The following PRICKLE1 variants were observed in gnomAD, a reference collection of about 807,000 sequenced individuals.
The protein encoded by PRICKLE1 is prickle planar cell polarity protein 1, also known as prickle-like protein 1.
PRICKLE1 carries 14 observed loss-of-function variants against 70.2 expected under a neutral mutation model. The observed-to-expected ratio is 0.20, with a 90% CI of 0.13 to 0.31. The LOEUF (loss-of-function observed/expected upper bound fraction) is 0.31. Among genes scored for constraint, PRICKLE1 ranks in the 10% least tolerant of loss-of-function variants. PRICKLE1 has a pLI of 1.00. For synonymous variants in PRICKLE1, 357 were observed against 379.9 expected, an observed-to-expected ratio of 0.94 and a Z score of 0.70; for missense variants, 821 against 1,026.2, an observed-to-expected ratio of 0.80 and a Z score of 2.73.
chr12:42,506,681 C>T (rs563924671), intron 1 of PRICKLE1, among the ~76,000 whole-genome samples: 1 of 146,056 alleles, frequency 6.8e-6, no homozygotes, highest in Admixed American at 7.0e-5. Context: ...GTTCAAGCAA[C>T]TCTCTACCTC....
chr12:42,562,774 A>T (rs1566127889), intron 1 of PRICKLE1, among the ~76,000 whole-genome samples: 1 of 152,352 alleles, frequency 6.6e-6, no homozygotes, highest in East Asian at 1.9e-4. Flanking sequence ...AAAAGAAAAA[A>T]ATTGTATAAC....
Position 42,459,159 on chromosome 12 carries a change from A to G in PRICKLE1, c.*650T>C, listed in dbSNP as rs1392173415. 10 of 561,400 alleles carry G rather than the reference A, an allele frequency of 1.8e-5. No homozygotes were observed. Among genetic ancestry groups the G allele is most frequent in the Non-Finnish European group, 3.2e-5 (10 of 314,264 alleles). The allele number at this position is 561,400 out of a possible 1,614,324, so 34.8% of individuals were successfully genotyped here. A position where few individuals can be genotyped will look rare whatever the true frequency, so the allele number is the denominator to read the frequency against. ...GGGATATAAAAATATCAGCTTTAAAATCTGAACTGTACAGTATATACATTA... is the reference window on the plus strand; with the variant it reads ...GGGATATAAAAATATCAGCTTTAAAGTCTGAACTGTACAGTATATACATTA... On this transcript the variant is annotated 3_prime_UTR_variant, in exon 8 of 8. Coordinates refer to ENST00000345127, the MANE Select transcript of PRICKLE1 (RefSeq NM_153026.3).
intron 1 of PRICKLE1, among the ~76,000 whole-genome samples, chr12:42,542,368 C>T (rs543883356): frequency 1.2e-4 from 18 of 151,726 alleles, no homozygotes; most frequent in African/African-American, 3.9e-4. Context: ...ATTTATTTTG[C>T]GGCCAGGCAC....
intron 1 of PRICKLE1, among the ~76,000 whole-genome samples, chr12:42,539,387 G>A (rs1226524228): frequency 4.6e-5 from 7 of 151,472 alleles, no homozygotes; most frequent in Non-Finnish European, 8.8e-5. Context: ...AGAATGGCAT[G>A]AACCTGGGAG....
chr12:42,490,672 G>A (rs1939083639), intron 1 of PRICKLE1, among the ~76,000 whole-genome samples: 1 of 152,262 alleles, frequency 6.6e-6, no homozygotes, highest in African/African-American at 2.4e-5. Flanking sequence ...GGGGTGTACA[G>A]TCTGGGTAGG....
rs984482773 is a variant in PRICKLE1 at position 42,477,709 on chromosome 12, C to T, written c.-48-5145G>A. Among the ~76,000 whole-genome samples, 36 of 151,646 alleles carry T rather than the reference C, an allele frequency of 2.4e-4. No homozygotes were observed. In the South Asian group the frequency reaches 6.9e-3, roughly 29 times the overall value. On this transcript the variant is annotated intron_variant, in intron 1 of 7. Transcript: ENST00000345127. ...GTCTGCCAAAACATCATGCTTTAAGCCAAGCATATGAGACCACAGGTAAAT... is the reference window on the plus strand; with the variant it reads ...GTCTGCCAAAACATCATGCTTTAAGTCAAGCATATGAGACCACAGGTAAAT...
At chr12:42,578,779 T>TTTATTTA (rs1156822778) in intron 1 of PRICKLE1, among the ~76,000 whole-genome samples, 2 of 68,828 alleles carry the variant, frequency 2.9e-5, no homozygotes, top group East Asian at 5.6e-4. Context: ...TTATTTATTT[T>TTTATTTA]GAGACTGAGT....
chr12:42,571,580 G>T (rs967678103), intron 1 of PRICKLE1, among the ~76,000 whole-genome samples: 5 of 152,204 alleles, frequency 3.3e-5, no homozygotes, highest in African/African-American at 1.2e-4. Context: ...AAGCAGCAGG[G>T]ATTGTGATGA....
intron 1 of PRICKLE1, chr12:42,482,940 G>C (rs1027686035): frequency 6.6e-6 from 1 of 152,104 alleles, no homozygotes; most frequent in African/African-American, 2.4e-5. Context: ...CGCTCCAGGC[G>C]GCGGCCGCTG....
chr12:42,549,701 T>C (rs972348182), intron 1 of PRICKLE1, among the ~76,000 whole-genome samples: 23 of 152,152 alleles, frequency 1.5e-4, no homozygotes, highest in African/African-American at 5.1e-4. Context: ...CCTCCTCTAA[T>C]CTATCCATAC....
intron 1 of PRICKLE1, among the ~76,000 whole-genome samples, chr12:42,479,728 G>C (rs964208115): frequency 6.6e-6 from 1 of 152,128 alleles, no homozygotes; most frequent in Non-Finnish European, 1.5e-5. Flanking sequence ...GGCTAAGGTG[G>C]GTGGATTACT....
At chr12:42,494,561 C>T (rs1298166780) in intron 1 of PRICKLE1, among the ~76,000 whole-genome samples, 1 of 152,072 alleles carries the variant, frequency 6.6e-6, no homozygotes, top group African/African-American at 2.4e-5. Flanking sequence ...AATCTCAGCA[C>T]TTTGGGAGGC....
chr12:42,526,674 A>T (rs1479877328), intron 1 of PRICKLE1, among the ~76,000 whole-genome samples: 1 of 151,774 alleles, frequency 6.6e-6, no homozygotes, highest in Non-Finnish European at 1.5e-5. Flanking sequence ...ACATTTTAGC[A>T]CAGTCAGGTC....
At chr12:42,588,094 A>G (rs373881972) in intron 1 of PRICKLE1, among the ~76,000 whole-genome samples, 93 of 152,328 alleles carry the variant, frequency 6.1e-4, no homozygotes, top group African/African-American at 2.2e-3. Flanking sequence ...TGGAGACAGC[A>G]AAGGCTTAGT....
intron 1 of PRICKLE1, among the ~76,000 whole-genome samples, chr12:42,533,213 CT>C (rs58449125): frequency 0.18 from 25,502 of 142,752 alleles, 2,173 homozygotes; most frequent in South Asian, 0.2. Context: ...TTTTTTTCTT[CT>C]TTTTTTTTTT....
chr12:42,587,342 C>G (rs537787689), intron 1 of PRICKLE1, among the ~76,000 whole-genome samples: 1 of 152,146 alleles, frequency 6.6e-6, no homozygotes, highest in African/African-American at 2.4e-5. Context: ...CTCTCCATCC[C>G]TCCCTCTTTT....
intron 1 of PRICKLE1, among the ~76,000 whole-genome samples, chr12:42,583,204 G>A (rs147939903): frequency 2.0e-5 from 3 of 151,840 alleles, no homozygotes; most frequent in Non-Finnish European, 4.4e-5. Context: ...TTTTAACTGG[G>A]GCAGAGGAGC....
At chr12:42,572,435 TTAAA>T (rs35565532) in intron 1 of PRICKLE1, among the ~76,000 whole-genome samples, 30,846 of 147,548 alleles carry the variant, frequency 0.21, 4,017 homozygotes, top group African/African-American at 0.38. Flanking sequence ...AAACTCTGTC[TTAAA>T]TAAATAAATA....
chr12:42,489,690 C>G (rs929536205), intron 1 of PRICKLE1: 1 of 140,800 alleles, frequency 7.1e-6, no homozygotes, highest in African/African-American at 2.7e-5. Context: ...AAAAAAATTC[C>G]AAATTTAAGT....
Sources: gnomAD v4.1 joint callset for allele counts (sites outside exome capture counted in the v4.1 genomes callset) on GRCh38, gnomAD v4.1.1 for gene constraint, MANE v1.5 for transcripts, NCBI Gene and HGNC (gene_info 2026-07-23, HGNC 2026-07-21) for gene names.